LPAR3: variants seen among roughly 807,000 people sequenced by gnomAD.
The protein encoded by LPAR3 is lysophosphatidic acid receptor 3, also known as LPA receptor 3.
LPAR3 carries 7 observed loss-of-function variants against 17.8 expected under a neutral mutation model. That is an observed-to-expected ratio of 0.39 (90% CI 0.22 to 0.74). The LOEUF (loss-of-function observed/expected upper bound fraction) is 0.74. Among genes scored for constraint, LPAR3 ranks in the 30% least tolerant of loss-of-function variants. The pLI, the probability that LPAR3 is intolerant of heterozygous loss-of-function variation, is 0.40. For missense variants in LPAR3, 391 were observed against 453.4 expected (o/e 0.86, Z 1.25); for synonymous variants, 179 against 179.9 (o/e 0.99, Z 0.04).
chr1:84,873,502 CAG>C (rs1485115950), intron 1 of LPAR3, among the ~76,000 whole-genome samples: 1 of 152,134 alleles, frequency 6.6e-6, no homozygotes, highest in East Asian at 1.9e-4. Flanking sequence ...GTAAAATAAA[CAG>C]AGGAGTGGCA....
chr1:84,833,603 T>C (rs1290917609), intron 2 of LPAR3, among the ~76,000 whole-genome samples: 1 of 152,246 alleles, frequency 6.6e-6, no homozygotes, highest in Non-Finnish European at 1.5e-5. Flanking sequence ...CACAGTGTTT[T>C]AGCAGCGTGG....
intron 2 of LPAR3, among the ~76,000 whole-genome samples, chr1:84,846,237 A>G (rs1659593260): frequency 6.6e-6 from 1 of 152,256 alleles, no homozygotes; most frequent in Non-Finnish European, 1.5e-5. Flanking sequence ...ACATAAAGGG[A>G]TAGTAGAGAA....
At chr1:84,834,565 T>C (rs912042824) in intron 2 of LPAR3, among the ~76,000 whole-genome samples, 1 of 150,612 alleles carries the variant, frequency 6.6e-6, no homozygotes, top group African/African-American at 2.4e-5. Context: ...CCAAAGCAAA[T>C]GTATTTCATG....
intron 1 of LPAR3, among the ~76,000 whole-genome samples, chr1:84,877,901 TGTTA>T (rs1483178594): frequency 2.6e-5 from 4 of 152,142 alleles, no homozygotes; most frequent in Admixed American, 1.3e-4. Flanking sequence ...CTGGTCGATG[TGTTA>T]GTTAGTTGGT....
chr1:84,873,565 C>G (rs1660197374), intron 1 of LPAR3, among the ~76,000 whole-genome samples: 1 of 152,006 alleles, frequency 6.6e-6, no homozygotes, highest in Admixed American at 6.6e-5. Context: ...AATGAGATGC[C>G]TCTGATATTC....
intron 1 of LPAR3, among the ~76,000 whole-genome samples, chr1:84,889,266 TTAAG>T (rs1557612092): frequency 6.6e-6 from 1 of 152,140 alleles, no homozygotes; most frequent in Non-Finnish European, 1.5e-5. Context: ...TCAGACTGAA[TTAAG>T]TAATTAGCTT....
intron 2 of LPAR3, among the ~76,000 whole-genome samples, chr1:84,828,695 T>C (rs2102748540): frequency 6.6e-6 from 1 of 152,298 alleles, no homozygotes; most frequent in South Asian, 2.1e-4. Flanking sequence ...TTTTCTCACA[T>C]GTTCTTCTTT....
intron 2 of LPAR3, among the ~76,000 whole-genome samples, chr1:84,859,581 C>T (rs1473851721): frequency 6.6e-6 from 1 of 152,110 alleles, no homozygotes; most frequent in African/African-American, 2.4e-5. Flanking sequence ...CACACAGGCA[C>T]GCAAAGAAAG....
chr1:84,886,266 C>T (rs10158416), intron 1 of LPAR3, among the ~76,000 whole-genome samples: 26,299 of 152,206 alleles, frequency 0.17, 2,617 homozygotes, highest in East Asian at 0.44. Context: ...GTAGCTCATA[C>T]CTGTAATCCC....
At chr1:84,827,368 T>A (rs2102747883) in intron 2 of LPAR3, among the ~76,000 whole-genome samples, 1 of 152,240 alleles carries the variant, frequency 6.6e-6, no homozygotes, top group African/African-American at 2.4e-5. Flanking sequence ...AGATTATGTA[T>A]TATGGGGGTA....
At chr1:84,877,455 C>T (rs1019612424) in intron 1 of LPAR3, among the ~76,000 whole-genome samples, 1 of 152,186 alleles carries the variant, frequency 6.6e-6, no homozygotes, top group African/African-American at 2.4e-5. Flanking sequence ...CCCAAGTAGA[C>T]AAAGCAGCTT....
chr1:84,838,172 C>T (rs897118753), intron 2 of LPAR3, among the ~76,000 whole-genome samples: 6 of 152,080 alleles, frequency 3.9e-5, no homozygotes, highest in African/African-American at 1.2e-4. Context: ...GGGATCCTTG[C>T]GGCAAAAGGT....
intron 1 of LPAR3, among the ~76,000 whole-genome samples, chr1:84,872,178 T>A (rs537309189): frequency 1.3e-5 from 2 of 152,332 alleles, no homozygotes; most frequent in East Asian, 3.9e-4. Flanking sequence ...TAAATACTTG[T>A]TAAATGTAGA....
intron 2 of LPAR3, among the ~76,000 whole-genome samples, chr1:84,824,247 G>A (rs77295296): frequency 0.013 from 1,999 of 152,174 alleles, 41 homozygotes; most frequent in African/African-American, 0.045. Flanking sequence ...CTGGGGTAGC[G>A]GTTGAAACCA....
chr1:84,876,397 G>A (rs1198128678), intron 1 of LPAR3, among the ~76,000 whole-genome samples: 1 of 152,148 alleles, frequency 6.6e-6, no homozygotes, highest in Non-Finnish European at 1.5e-5. Context: ...GAGAGGAACA[G>A]CAAGAGATTG....
intron 1 of LPAR3, among the ~76,000 whole-genome samples, chr1:84,888,825 G>C (rs1660503711): frequency 6.6e-6 from 1 of 152,206 alleles, no homozygotes; most frequent in Non-Finnish European, 1.5e-5. Context: ...GCCAGGGCTA[G>C]TAGAAGCTCC....
intron 2 of LPAR3, among the ~76,000 whole-genome samples, chr1:84,846,649 T>A (rs1336385644): frequency 1.3e-5 from 2 of 152,156 alleles, no homozygotes; most frequent in African/African-American, 4.8e-5. Flanking sequence ...CTCCTGGTGT[T>A]AATAGCTTGA....
chr1:84,859,677 A>T (rs1388943678), intron 2 of LPAR3, among the ~76,000 whole-genome samples: 1 of 152,226 alleles, frequency 6.6e-6, no homozygotes, highest in Admixed American at 6.5e-5. Flanking sequence ...AGTGTTGCTT[A>T]CAATCTCATC....
intron 2 of LPAR3, among the ~76,000 whole-genome samples, chr1:84,823,341 A>G (rs1482932112): frequency 6.6e-6 from 1 of 152,200 alleles, no homozygotes; most frequent in Non-Finnish European, 1.5e-5. Flanking sequence ...CAGAAGTCCA[A>G]TAACTCAGAA....
Sources: allele counts gnomAD v4.1 joint callset (sites outside exome capture counted in the v4.1 genomes callset), GRCh38; gene constraint gnomAD v4.1.1; transcripts MANE v1.5; gene names NCBI Gene and HGNC (gene_info 2026-07-23, HGNC 2026-07-21).